Variants in FAM124A observed in about 807,000 individuals in gnomAD.
FAM124A encodes family with sequence similarity 124 member A.
FAM124A carries 23 observed loss-of-function variants against 24.5 expected under a neutral mutation model. The observed-to-expected ratio is 0.94, with a 90% CI of 0.68 to 1.33. FAM124A has a LOEUF of 1.33. Among genes scored for constraint, FAM124A ranks in the 40% most tolerant of loss-of-function variants. The probability of loss-of-function intolerance (pLI) is 0.00; values close to 1 mark genes in which losing one functional copy is unlikely to be tolerated. For synonymous variants in FAM124A, 287 were observed against 314.7 expected, an observed-to-expected ratio of 0.91 and a Z score of 0.93; for missense variants, 623 against 722.8, an observed-to-expected ratio of 0.86 and a Z score of 1.58.
At chr13:51,228,600 G>C (rs1259594282) in intron 1 of FAM124A, among the ~76,000 whole-genome samples, 2 of 152,126 alleles carry the variant, frequency 1.3e-5, no homozygotes, top group Admixed American at 1.3e-4. Flanking sequence ...CCCTACTGCT[G>C]TTCCTCTTGC....
At chr13:51,233,419 T>C (rs947603882) in intron 2 of FAM124A, among the ~76,000 whole-genome samples, 2 of 152,226 alleles carry the variant, frequency 1.3e-5, no homozygotes, top group Non-Finnish European at 2.9e-5. Flanking sequence ...TTTTTCTCTC[T>C]ATTGGCCAGA....
At chr13:51,248,788 G>T (rs1269248405) in intron 2 of FAM124A, among the ~76,000 whole-genome samples, 1 of 152,172 alleles carries the variant, frequency 6.6e-6, no homozygotes, top group Non-Finnish European at 1.5e-5. Flanking sequence ...CCCATTTAGT[G>T]GGAGGAGCTA....
rs1954694047 is a variant in FAM124A, at chr13:51,258,108, G to A, written c.834+5907G>A. 6.6e-6 allele frequency among the ~76,000 whole-genome samples: 1 copy of A among 152,114 alleles called. No homozygotes were observed. The highest frequency in any genetic ancestry group is 1.5e-5 in the Non-Finnish European group (1 of 68,028). On this transcript the variant is annotated intron_variant, in intron 3 of 3. Transcript: ENST00000322475. The surrounding 1 kb of genome is among the most constrained non-coding windows in gnomAD (Gnocchi z 4.2). ...CTTGGTGTGTGGAAGCACCAGCTTG[G>A]TCTCTGTTTTCACGTTCATATGGCA... is the stretch of plus-strand genomic sequence containing the variant.
Position 51,272,610 on chromosome 13 carries a change from A to G in FAM124A, c.835-7840A>G, listed in dbSNP as rs1227833309. 6.6e-6 allele frequency among the ~76,000 whole-genome samples: 1 copy of G among 150,830 alleles called. No homozygotes were observed. The highest frequency in any genetic ancestry group is 1.5e-5 in the Non-Finnish European group (1 of 67,894). ...ACACACACACCAGTTGAACCACCAG[A>G]TCAGCTACCTCTTCCCCTTCCCATC... On this transcript the variant is annotated intron_variant, in intron 3 of 3. Transcript: ENST00000322475. The surrounding 1 kb of genome is among the most constrained non-coding windows in gnomAD (Gnocchi z 4.2).
At chr13:51,255,656 A>G (rs1286477169) in intron 3 of FAM124A, among the ~76,000 whole-genome samples, 2 of 152,218 alleles carry the variant, frequency 1.3e-5, no homozygotes, top group Non-Finnish European at 1.5e-5. Flanking sequence ...AGTGGTGTCA[A>G]CAGCCTGTGC....
In FAM124A at chr13:51,282,254, T is replaced by A. The variant is rs114265599; in HGVS notation, c.*998T>A. ...TCATTTTTAAATGATTTGGAACATT[T>A]TAGCCAGCATTTTGATCACACAGAT... On this transcript the variant is annotated 3_prime_UTR_variant, in exon 4 of 4. Transcript: ENST00000322475. 108 of 152,364 alleles carry A rather than the reference T, an allele frequency of 7.1e-4. No homozygotes were observed. The highest frequency in any genetic ancestry group is 2.5e-3 in the African/African-American group (103 of 41,598). The allele number at this position is 152,364 out of a possible 1,614,324, so 9.4% of individuals were successfully genotyped here.
rs1239552873 is a variant in FAM124A, at chr13:51,281,065, A to G, written c.1450A>G (p.Thr484Ala). ...CTCCTGGGCTTCCCTCCCTTTCTTC[A>G]CCAAAAGGTCTTCCAGCTCCTCAGC... ...EASWASLPFF[T>A]KRSSSSSATA... Residue 484 changes from threonine to alanine, a missense_variant, in exon 4 of 4, where the codon ACC becomes GCC. Physicochemically the swap from Thr to Ala is moderately conservative, Grantham distance 58. Coordinates refer to ENST00000322475, the MANE Select transcript of FAM124A (RefSeq NM_001242312.2). 2 of 1,613,766 alleles carry G rather than the reference A, an allele frequency of 1.2e-6. 1 individual carries two copies. The highest frequency in any genetic ancestry group is 2.2e-5 in the South Asian group (2 of 91,058).
At chr13:51,261,543 G>GA (rs940627270) in intron 3 of FAM124A, among the ~76,000 whole-genome samples, 107 of 131,106 alleles carry the variant, frequency 8.2e-4, no homozygotes, top group African/African-American at 3.5e-3. Flanking sequence ...TTTCTTTTAG[G>GA]AAAAAAGAAG....
intron 2 of FAM124A, among the ~76,000 whole-genome samples, chr13:51,241,727 A>G (rs1278119317): frequency 8.8e-6 from 1 of 113,072 alleles, no homozygotes; most frequent in Non-Finnish European, 2.0e-5. Context: ...TGAATATTCC[A>G]CTGAATTTTA....
chr13:51,270,230 G>C (rs11619401), intron 3 of FAM124A, among the ~76,000 whole-genome samples: 1,734 of 152,294 alleles, frequency 0.011, 20 homozygotes, highest in Middle Eastern at 0.065. Context: ...ATAGCCCACT[G>C]ACTACATACG....
chr13:51,256,369 T>C (rs907438995), intron 3 of FAM124A, among the ~76,000 whole-genome samples: 1 of 152,042 alleles, frequency 6.6e-6, no homozygotes, highest in East Asian at 1.9e-4. Flanking sequence ...CCTTAGAAGG[T>C]AGAAAGAGAA....
At chr13:51,225,466 T>C (rs9526737) in intron 1 of FAM124A, 71,944 of 152,090 alleles carry the variant, frequency 0.47, 18,013 homozygotes, top group East Asian at 0.65. Context: ...AGCAGGTGCT[T>C]TTTAAGACCA....
chr13:51,226,177 T>A (rs960221559), intron 1 of FAM124A, among the ~76,000 whole-genome samples: 28 of 151,508 alleles, frequency 1.8e-4, no homozygotes, highest in African/African-American at 6.3e-4. Context: ...TTTTTTATTT[T>A]TATAAACACA....
At chr13:51,239,343 A>AT (rs949992497) in intron 2 of FAM124A, among the ~76,000 whole-genome samples, 7 of 152,226 alleles carry the variant, frequency 4.6e-5, no homozygotes, top group South Asian at 2.1e-4. Context: ...CCTTTGTAGG[A>AT]TTTTTTTCTG....
intron 3 of FAM124A, among the ~76,000 whole-genome samples, chr13:51,262,754 G>T (rs1269535377): frequency 6.6e-6 from 1 of 152,192 alleles, no homozygotes; most frequent in Admixed American, 6.5e-5. Flanking sequence ...TGCTGCCAAA[G>T]AATCTAGGTT....
intron 3 of FAM124A, among the ~76,000 whole-genome samples, chr13:51,279,240 A>G (rs1954913217): frequency 6.6e-6 from 1 of 152,110 alleles, no homozygotes; most frequent in Non-Finnish European, 1.5e-5. Flanking sequence ...TATTCAGCCA[A>G]TTCAAATGAT....
intron 2 of FAM124A, among the ~76,000 whole-genome samples, chr13:51,233,791 GA>G (rs895316750): frequency 6.6e-6 from 1 of 151,066 alleles, no homozygotes; most frequent in Non-Finnish European, 1.5e-5. Flanking sequence ...GCTACAATAA[GA>G]AAAAAAAATA....
chr13:51,231,414 A>G (rs1215110177), intron 2 of FAM124A, 35 bp downstream of exon 2: 2 of 1,612,508 alleles, frequency 1.2e-6, no homozygotes, highest in Admixed American at 1.7e-5. Flanking sequence ...AGCATTGTCT[A>G]ACGGTCCCCG....
chr13:51,275,967 G>A (rs1407976573), intron 3 of FAM124A, among the ~76,000 whole-genome samples: 1 of 152,196 alleles, frequency 6.6e-6, no homozygotes, highest in Non-Finnish European at 1.5e-5. Flanking sequence ...CTCCGAAGAT[G>A]GCAGGTATTC....
Sources: allele counts gnomAD v4.1 joint callset (sites outside exome capture counted in the v4.1 genomes callset), GRCh38; gene constraint gnomAD v4.1.1; non-coding constraint Gnocchi (gnomAD v3.1); transcripts MANE v1.5; gene names NCBI Gene and HGNC (gene_info 2026-07-23, HGNC 2026-07-21).